Variants in RFX6 observed in about 807,000 individuals in gnomAD.
The protein encoded by RFX6 is regulatory factor X6, also known as DNA-binding protein RFX6.
Under a neutral mutation model 110.8 loss-of-function variants are expected in RFX6, and 50 were observed. The observed-to-expected ratio is 0.45, with a 90% CI of 0.36 to 0.57. RFX6 has a LOEUF of 0.57. RFX6 is among the 20% of genes least tolerant of loss of function. RFX6 has a pLI of 0.00. For missense variants in RFX6, 990 were observed against 1,127.0 expected, an observed-to-expected ratio of 0.88 and a Z score of 1.74; for synonymous variants, 383 against 411.2, an observed-to-expected ratio of 0.93 and a Z score of 0.83.
rs571040662 is a variant in RFX6, at chr6:116,883,586, C to T, written c.566+1158C>T. Among the ~76,000 whole-genome samples the T allele has an allele frequency of 1.3e-4, 20 of 152,112 alleles. No homozygotes were observed. In the East Asian group the frequency reaches 2.1e-3, roughly 16 times the overall value. ...TGGAATCAATATAAAAATTATTAAT[C>T]GGATATTTTACATTCTTCTTTTCAT... On this transcript the variant is annotated intron_variant, in intron 4 of 18. Transcript: ENST00000332958.
chr6:116,897,979 C>T (rs978893657), intron 6 of RFX6, among the ~76,000 whole-genome samples: 3 of 151,758 alleles, frequency 2.0e-5, no homozygotes, highest in South Asian at 2.1e-4. Context: ...AATGAGAAGA[C>T]AAGAGGTTAC....
chr6:116,922,021 T>C lies in RFX6; in HGVS notation c.1328-21T>C, dbSNP rs372328261. ...AATATTCTGTTTTCTTTTCTTTCTTTTTTTTTTTTTTCCTGGGTAGATGAC... is the reference window on the plus strand; with the variant it reads ...AATATTCTGTTTTCTTTTCTTTCTTCTTTTTTTTTTTCCTGGGTAGATGAC... On this transcript the variant is annotated intron_variant, in intron 12 of 18. Coordinates refer to ENST00000332958, the MANE Select transcript of RFX6 (RefSeq NM_173560.4). 19 of 1,028,538 alleles carry C rather than the reference T, an allele frequency of 1.8e-5. No homozygotes were observed. In the East Asian group the frequency reaches 4.3e-4, roughly 23 times the overall value. 63.7% of individuals were successfully genotyped at this position (1,028,538 alleles called of 1,614,324 possible).
At chr6:116,916,862 A>G (rs1258619095) in intron 9 of RFX6, among the ~76,000 whole-genome samples, 1 of 152,154 alleles carries the variant, frequency 6.6e-6, no homozygotes, top group East Asian at 1.9e-4. Context: ...GAAGACAGAA[A>G]GAGGCTAATT....
At chr6:116,901,271 G>A (rs1037913139) in intron 6 of RFX6, among the ~76,000 whole-genome samples, 2 of 152,156 alleles carry the variant, frequency 1.3e-5, no homozygotes, top group African/African-American at 4.8e-5. Context: ...TAAATTGAGA[G>A]GCACTGTATG....
At chr6:116,917,719 T>C (rs1418280362) in intron 9 of RFX6, among the ~76,000 whole-genome samples, 1 of 152,088 alleles carries the variant, frequency 6.6e-6, no homozygotes, top group East Asian at 1.9e-4. Flanking sequence ...GATGAGCTTC[T>C]ACAAAAATCT....
chr6:116,903,971 G>T (rs181098884), intron 6 of RFX6, among the ~76,000 whole-genome samples: 27 of 152,032 alleles, frequency 1.8e-4, no homozygotes, highest in African/African-American at 6.3e-4. Context: ...ACTAGTAAAG[G>T]TGAAATTATT....
At chr6:116,918,419 A>G (rs1050643078) in intron 10 of RFX6, among the ~76,000 whole-genome samples, 5 of 152,108 alleles carry the variant, frequency 3.3e-5, no homozygotes, top group African/African-American at 9.6e-5. Context: ...AATAAAAACT[A>G]TAGGAGAAAT....
chr6:116,917,990 G>A (rs1277781551), intron 9 of RFX6, 47 bp from the exon 10 acceptor site: 1 of 1,342,826 alleles, frequency 7.4e-7, no homozygotes, highest in African/African-American at 1.4e-5. Flanking sequence ...TCTTTCTATA[G>A]AAATACTAAG....
At chr6:116,910,130 T>A (rs538003448) in intron 6 of RFX6, among the ~76,000 whole-genome samples, 1 of 152,316 alleles carries the variant, frequency 6.6e-6, no homozygotes, top group South Asian at 2.1e-4. Flanking sequence ...ATTATATTCA[T>A]AATTTCATTA....
intron 17 of RFX6, among the ~76,000 whole-genome samples, chr6:116,928,249 T>C (rs895122383): frequency 3.9e-5 from 6 of 152,146 alleles, no homozygotes; most frequent in African/African-American, 1.4e-4. Flanking sequence ...AATAGGAAGT[T>C]AAGGGAATTA....
chr6:116,878,005 A>G, intron 2 of RFX6, 53 bp downstream of exon 2: 1 of 1,536,760 alleles, frequency 6.5e-7, no homozygotes, highest in Non-Finnish European at 9.0e-7. Context: ...TTTAACAGCC[A>G]GCGTCTTCAG....
At chr6:116,880,163 C>T (rs1455080147) in intron 2 of RFX6, among the ~76,000 whole-genome samples, 1 of 152,032 alleles carries the variant, frequency 6.6e-6, no homozygotes, top group Admixed American at 6.6e-5. Context: ...TGAAGCTTGA[C>T]AGCCCTTTAG....
intron 6 of RFX6, among the ~76,000 whole-genome samples, chr6:116,909,733 A>ATTT (rs1406020359): frequency 7.9e-6 from 1 of 127,342 alleles, no homozygotes; most frequent in Non-Finnish European, 1.6e-5. Context: ...GCTCATTTAA[A>ATTT]TCTTTTTTTT....
intron 6 of RFX6, among the ~76,000 whole-genome samples, chr6:116,906,861 T>C (rs200197805): frequency 2.1e-5 from 1 of 46,786 alleles, no homozygotes; most frequent in Non-Finnish European, 7.3e-5. Flanking sequence ...TGTTTTTTTG[T>C]TTTTTTTTTT....
chr6:116,892,308 T>C (rs146793290), intron 4 of RFX6, among the ~76,000 whole-genome samples: 1,690 of 152,318 alleles, frequency 0.011, 29 homozygotes, highest in Admixed American at 0.041. Flanking sequence ...ATTCTGGCTG[T>C]CATCCAGCTG....
intron 4 of RFX6, among the ~76,000 whole-genome samples, chr6:116,887,440 A>G (rs541279162): frequency 6.6e-6 from 1 of 152,214 alleles, no homozygotes; most frequent in Admixed American, 6.5e-5. Flanking sequence ...GACACTGTAC[A>G]TTCCCAATAC....
At position 116,877,423 on chromosome 6, in the gene RFX6, G is replaced by A. The variant is rs1774484047; in HGVS notation, c.148G>A (p.Glu50Lys). ...YPEETVYLAAEGQPGGEQGGG... is the reference protein window; with the variant it reads ...YPEETVYLAAKGQPGGEQGGG... ...GGAAGAAACAGTGTACCTGGCGGCC[G>A]AAGGGCAGCCCGGGGGCGAGCAGGG... The change falls in exon 1 of 19, where the codon GAA (glutamate) becomes AAA (lysine). Residue 50 changes from glutamate to lysine, a missense_variant. Transcript: ENST00000332958. 6.3e-7 allele frequency: 1 copy of A among 1,598,930 alleles called. No homozygotes were observed. The highest frequency in any genetic ancestry group is 8.5e-7 in the Non-Finnish European group (1 of 1,172,552).
chr6:116,927,743 C>CTTTTTTTTTTTTTTTTTTTTTTTTTTTT (rs60638457), intron 17 of RFX6, among the ~76,000 whole-genome samples: 1 of 119,520 alleles, frequency 8.4e-6, no homozygotes, highest in African/African-American at 3.2e-5. Flanking sequence ...GCCCTTCTTC[C>CTTTTTTTTTTTTTTTTTTTTTTTTTTTT]TTTTTTTTTT....
rs117295675 is a variant in RFX6, at chr6:116,897,163, G to A, written c.672+1956G>A. ...AATATAGTGGTAGTTTGGAGGAGGAGTGGAGTAGGGGAAGAGGGAAGAAGA... is the reference window on the plus strand; with the variant it reads ...AATATAGTGGTAGTTTGGAGGAGGAATGGAGTAGGGGAAGAGGGAAGAAGA... On this transcript the variant is annotated intron_variant, in intron 6 of 18. Transcript: ENST00000332958. 4.7e-4 allele frequency among the ~76,000 whole-genome samples: 72 copies of A among 152,316 alleles called. 1 individual carries two copies. In the East Asian group the frequency reaches 0.013, roughly 28 times the overall value.
Sources: allele counts gnomAD v4.1 joint callset (sites outside exome capture counted in the v4.1 genomes callset), GRCh38; gene constraint gnomAD v4.1.1; transcripts MANE v1.5; gene names NCBI Gene and HGNC (gene_info 2026-07-23, HGNC 2026-07-21).